The following DNAI4 variants were observed in gnomAD, a reference collection of about 807,000 sequenced individuals.
The protein encoded by DNAI4 is WD repeat domain 78.
Under a neutral mutation model 105.8 loss-of-function variants are expected in DNAI4, and 85 were observed. The observed-to-expected ratio is 0.80, with a 90% CI of 0.67 to 0.96. The LOEUF (loss-of-function observed/expected upper bound fraction) is 0.96, where lower values mean the gene tolerates loss of function less well. Among genes scored for constraint, DNAI4 ranks in the 40% least tolerant of loss-of-function variants. The probability of loss-of-function intolerance (pLI) is 0.00; values close to 1 mark genes in which losing one functional copy is unlikely to be tolerated. For missense variants in DNAI4, 1,014 were observed against 1,005.6 expected, an observed-to-expected ratio of 1.01 and a Z score of -0.11; for synonymous variants, 352 against 331.5, an observed-to-expected ratio of 1.06 and a Z score of -0.67.
rs9436327 is a variant in DNAI4, at chr1:66,891,371, T to C, written c.531-105A>G. 1,718 of 731,686 alleles carry C rather than the reference T, an allele frequency of 2.3e-3. 20 individuals carry two copies. The African/African-American group carries it at 0.029, about 12-fold the overall frequency. 45.3% of individuals were successfully genotyped at this position (731,686 alleles called of 1,614,324 possible). A position where few individuals can be genotyped will look rare whatever the true frequency, so the allele number is the denominator to read the frequency against. Reference sequence around the variant, plus strand: ...TCAGATGGAGAAATCAAATATACTATGATCATATAAGCAAAATAGATACAT... The same window carrying C: ...TCAGATGGAGAAATCAAATATACTACGATCATATAAGCAAAATAGATACAT... On this transcript the variant is annotated intron_variant, in intron 3 of 16. Coordinates refer to ENST00000371026, the MANE Select transcript of DNAI4 (RefSeq NM_024763.5).
chr1:66,874,660 C>T, intron 5 of DNAI4, 121 bp downstream of exon 5: 2 of 841,772 alleles, frequency 2.4e-6, no homozygotes, highest in Non-Finnish European at 3.5e-6. Flanking sequence ...ATACAGTCTC[C>T]CCCCAAACCC....
intron 1 of DNAI4, among the ~76,000 whole-genome samples, chr1:66,913,720 T>A (rs191175298): frequency 6.6e-6 from 1 of 152,058 alleles, no homozygotes; most frequent in Non-Finnish European, 1.5e-5. Flanking sequence ...CAGTGGCTCA[T>A]GCCTGTAATT....
At chr1:66,880,451 T>C (rs1474136398) in intron 4 of DNAI4, among the ~76,000 whole-genome samples, 1 of 152,132 alleles carries the variant, frequency 6.6e-6, no homozygotes, top group Non-Finnish European at 1.5e-5. Flanking sequence ...GCTGAGGTAG[T>C]CTCAGATGGA....
intron 7 of DNAI4, among the ~76,000 whole-genome samples, chr1:66,855,431 C>A (rs985794706): frequency 3.9e-5 from 6 of 152,168 alleles, no homozygotes; most frequent in African/African-American, 1.4e-4. Context: ...TTTTGCCATA[C>A]CTCAATAAGA....
intron 1 of DNAI4, among the ~76,000 whole-genome samples, chr1:66,920,698 A>T (rs1425778062): frequency 6.6e-6 from 1 of 152,108 alleles, no homozygotes; most frequent in African/African-American, 2.4e-5. Context: ...TCCAGTTCCC[A>T]CCTGTGAAGG....
intron 2 of DNAI4, among the ~76,000 whole-genome samples, chr1:66,901,085 G>T (rs1007511424): frequency 1.3e-4 from 20 of 152,148 alleles, no homozygotes; most frequent in African/African-American, 4.8e-4. Context: ...ATCATGAAAA[G>T]ATGCTGGATT....
Position 66,890,822 on chromosome 1 carries a change from A to AG in DNAI4, c.643+331_643+332insC, listed in dbSNP as rs1647556336. 1 of 332,964 alleles carries AG rather than the reference A, an allele frequency of 3.0e-6. No individual in the cohort carries two copies. Among genetic ancestry groups the AG allele is most frequent in the Non-Finnish European group, 5.6e-6 (1 of 178,434 alleles). 20.6% of individuals were successfully genotyped at this position (332,964 alleles called of 1,614,324 possible). Reference sequence around the variant, plus strand: ...GAGGAAGAAGAGGAAAAGAAGAGGAAAAGAGGAAGAGGAAGAAAAGGAAGA... The same window carrying AG: ...GAGGAAGAAGAGGAAAAGAAGAGGAAGAAGAGGAAGAGGAAGAAAAGGAAGA... On this transcript the variant is annotated intron_variant, in intron 4 of 16. Transcript: ENST00000371026. This position sits in a 1 kb window ranked among gnomAD's most constrained non-coding sequence, Gnocchi z 4.1.
Position 66,862,303 on chromosome 1 carries a change from C to G in DNAI4, c.941-1G>C, listed in dbSNP as rs144890566. ...AAATCCCAGGCAGTGGACATTATGC[C>G]TAGATAAAGACACAGAAAGGTAAAA... is the stretch of plus-strand genomic sequence containing the variant. On this transcript the variant is annotated splice_acceptor_variant, in intron 6 of 16. Coordinates refer to ENST00000371026, the MANE Select transcript of DNAI4 (RefSeq NM_024763.5). LOFTEE classifies it high-confidence loss of function. 27 of 1,604,348 alleles carry G rather than the reference C, an allele frequency of 1.7e-5. No homozygotes were observed. In the African/African-American group the frequency reaches 3.5e-4, roughly 21 times the overall value.
In DNAI4 at chr1:66,924,654, G is replaced by C. The variant is rs1157083474; in HGVS notation, c.170+8C>G. 1 of 1,614,234 alleles carries C rather than the reference G, an allele frequency of 6.2e-7. No individual in the cohort carries two copies. The highest frequency in any genetic ancestry group is 1.1e-5 in the South Asian group (1 of 91,086). Reference sequence around the variant, plus strand: ...GGATGGACTACGGTTTTTAGCGCCGGAACTTACAACCCGAAGTTCTGCTGC... The same window carrying C: ...GGATGGACTACGGTTTTTAGCGCCGCAACTTACAACCCGAAGTTCTGCTGC... On this transcript the variant is annotated splice_region_variant and intron_variant, in intron 1 of 16. Coordinates refer to ENST00000371026, the MANE Select transcript of DNAI4 (RefSeq NM_024763.5).
Position 66,834,079 on chromosome 1 carries a change from T to A in DNAI4, c.1803A>T (p.Thr601=). Residue 601 remains threonine (T), a synonymous_variant, in exon 12 of 17, where the codon ACA becomes ACT. Transcript: ENST00000371026. ...LQWIEQDRGT[T]GDGKREILVS... is the part of the protein sequence containing the mutation. ...CTAGTATTTCTCTTTTGCCATCTCC[T>A]GTTGTTCCTCGATCTTGTTCTATCC... 1 of 1,612,792 alleles carries A rather than the reference T, an allele frequency of 6.2e-7. No homozygotes were observed. Among genetic ancestry groups the A allele is most frequent in the Non-Finnish European group, 8.5e-7 (1 of 1,179,450 alleles).
chr1:66,833,787 A>C (rs1645920755), intron 12 of DNAI4, 81 bp from the exon 13 acceptor site: 1 of 1,519,856 alleles, frequency 6.6e-7, no homozygotes. Flanking sequence ...TTTCTCCTGC[A>C]AATAATAATA....
At chr1:66,870,970 C>T (rs1646833754) in intron 6 of DNAI4, 1 of 163,532 alleles carries the variant, frequency 6.1e-6, no homozygotes, top group African/African-American at 2.4e-5. Context: ...AATGGGGAAG[C>T]ATAATAGTAT....
In DNAI4 at chr1:66,924,845, C is replaced by A; in HGVS notation, c.-14G>T. The A allele has an allele frequency of 6.2e-7, 1 of 1,611,874 alleles. No individual in the cohort carries two copies. The highest frequency in any genetic ancestry group is 1.7e-4 in the Middle Eastern group (1 of 6,044). On this transcript the variant is annotated 5_prime_UTR_variant, in exon 1 of 17. Transcript: ENST00000371026. ...GCCGGGCGTCATGGCGACGGTGGAG[C>A]CCTGGCTCAACAAGCGGCCGCGCGG...
chr1:66,919,875 G>T (rs541649393), intron 1 of DNAI4, among the ~76,000 whole-genome samples: 65 of 152,230 alleles, frequency 4.3e-4, no homozygotes, highest in Admixed American at 2.4e-3. Context: ...AGGGACAAGG[G>T]CCCATTAAAA....
At chr1:66,864,981 G>A (rs1016925457) in intron 6 of DNAI4, among the ~76,000 whole-genome samples, 2 of 152,182 alleles carry the variant, frequency 1.3e-5, no homozygotes, top group Admixed American at 6.5e-5. Flanking sequence ...TCTTATCCTG[G>A]CTGGTGAGTA....
intron 2 of DNAI4, among the ~76,000 whole-genome samples, chr1:66,902,811 A>G (rs1202092660): frequency 6.6e-6 from 1 of 152,190 alleles, no homozygotes; most frequent in African/African-American, 2.4e-5. Context: ...TCTTTTCTCC[A>G]TTGCATAATC....
Position 66,837,786 on chromosome 1 carries a change from G to A in DNAI4, c.1505C>T (p.Ala502Val). The change falls in exon 10 of 17, where the codon GCT (alanine) becomes GTT (valine). Residue 502 changes from alanine to valine, a missense_variant. Transcript: ENST00000371026. ...AAATCCAAAGTGCCCATAGCCAACA[G>A]CCAAAAGATCCTGAAAACCAGAAAA... ...AWNKTNPDLL[A>V]VGYGHFGFKE... The A allele has an allele frequency of 1.3e-6, 2 of 1,599,396 alleles. No individual in the cohort carries two copies. Among genetic ancestry groups the A allele is most frequent in the Admixed American group, 1.8e-5 (1 of 56,582 alleles).
chr1:66,841,503 T>G (rs1318939807), intron 8 of DNAI4, among the ~76,000 whole-genome samples: 1 of 152,182 alleles, frequency 6.6e-6, no homozygotes, highest in Non-Finnish European at 1.5e-5. Context: ...CCACTGTCAT[T>G]CTCCAAGATC....
rs751486869 is a variant in DNAI4, at chr1:66,924,742, C to T, written c.90G>A (p.Lys30=). The change falls in exon 1 of 17, where the codon AAG becomes AAA. Residue 30 remains lysine (K), a synonymous_variant. Coordinates refer to ENST00000371026, the MANE Select transcript of DNAI4 (RefSeq NM_024763.5). ...GYRDFRGGQK[K]GWCTTPQLVA... is the part of the protein sequence containing the mutation. ...CCAGCTGGGGAGTGGTGCACCACCC[C>T]TTTTTTTGGCCGCCTCTGAAGTCCC... The T allele has an allele frequency of 1.2e-6, 2 of 1,614,066 alleles. No homozygotes were observed. The highest frequency in any genetic ancestry group is 8.5e-7 in the Non-Finnish European group (1 of 1,179,982).
Sources: allele counts gnomAD v4.1 joint callset (sites outside exome capture counted in the v4.1 genomes callset), GRCh38; gene constraint gnomAD v4.1.1; non-coding constraint Gnocchi (gnomAD v3.1); transcripts MANE v1.5; gene names NCBI Gene and HGNC (gene_info 2026-07-23, HGNC 2026-07-21).